Variants in CTNNA2 observed in about 807,000 individuals in gnomAD.
The protein encoded by CTNNA2 is catenin alpha-2.
A neutral mutation model predicts 101.0 loss-of-function variants in CTNNA2; 42 were observed. The ratio of observed to expected loss-of-function variants is 0.42; its 90% CI spans 0.32 to 0.54. The LOEUF is 0.54. Among genes scored for constraint, CTNNA2 ranks in the 20% least tolerant of loss-of-function variants. CTNNA2 has a pLI of 0.14. For missense variants in CTNNA2, 871 were observed against 1,223.1 expected (o/e 0.71, Z 4.29); for synonymous variants, 450 against 456.4 (o/e 0.99, Z 0.18).
In CTNNA2 at chr2:80,619,247, T is replaced by C; in HGVS notation, c.2574+19T>C. 2 of 1,508,984 alleles carry C rather than the reference T, an allele frequency of 1.3e-6. No homozygotes were observed. The highest frequency in any genetic ancestry group is 1.8e-6 in the Non-Finnish European group (2 of 1,124,412). 93.5% of individuals were successfully genotyped at this position (1,508,984 alleles called of 1,614,324 possible). On this transcript the variant is annotated intron_variant, in intron 18 of 18. Coordinates refer to ENST00000402739, the MANE Select transcript of CTNNA2 (RefSeq NM_001282597.3). ...CTCCATGGTGAGTAAATTGACTTTC[T>C]AATCTAATGTCTTTCATTGTAATCA... is the stretch of plus-strand genomic sequence containing the variant.
intron 7 of CTNNA2, among the ~76,000 whole-genome samples, chr2:80,315,783 T>C (rs1049904256): frequency 3.9e-5 from 6 of 152,164 alleles, no homozygotes; most frequent in Admixed American, 3.9e-4. Context: ...ACAGCAGCAG[T>C]GGTGGCTTAA....
In CTNNA2 at chr2:80,341,085, G is replaced by A. The variant is rs185026089; in HGVS notation, c.1057-52126G>A. On this transcript the variant is annotated intron_variant, in intron 7 of 18. Coordinates refer to ENST00000402739, the MANE Select transcript of CTNNA2 (RefSeq NM_001282597.3). ...GGATCTTCTGTCTCTGTGGAGTTGG[G>A]GTGCACCTCCCCCAGAATGTGTATG... Among the ~76,000 whole-genome samples the A allele has an allele frequency of 5.3e-5, 8 of 152,174 alleles. No individual in the cohort carries two copies. The East Asian group carries it at 1.2e-3, about 22-fold the overall frequency.
At chr2:80,576,282 A>T (rs532650448) in intron 13 of CTNNA2, 2 of 152,054 alleles carry the variant, frequency 1.3e-5, no homozygotes, top group East Asian at 3.9e-4. Flanking sequence ...AACCCTCTGA[A>T]GTAGACAAAG....
intron 2 of CTNNA2, among the ~76,000 whole-genome samples, chr2:79,233,848 T>A (rs1315846710): frequency 6.6e-6 from 1 of 152,008 alleles, no homozygotes; most frequent in African/African-American, 2.4e-5. Flanking sequence ...AAAATCTATT[T>A]TATATGGTAT....
chr2:80,219,161 C>G (rs1304178885), intron 7 of CTNNA2, among the ~76,000 whole-genome samples: 1 of 152,192 alleles, frequency 6.6e-6, no homozygotes, highest in Admixed American at 6.5e-5. Flanking sequence ...TGACTTTTGT[C>G]ATATTGTAAT....
At chr2:80,632,424 G>A (rs1672397222) in intron 18 of CTNNA2, among the ~76,000 whole-genome samples, 1 of 152,112 alleles carries the variant, frequency 6.6e-6, no homozygotes, top group Admixed American at 6.6e-5. Context: ...TGTAAGAATG[G>A]TCTACCTTCA....
intron 7 of CTNNA2, among the ~76,000 whole-genome samples, chr2:80,326,346 A>G (rs1010521157): frequency 1.3e-5 from 2 of 152,158 alleles, no homozygotes; most frequent in African/African-American, 4.8e-5. Flanking sequence ...TTTACTAATG[A>G]GTTTAGCTTT....
At chr2:80,347,838 C>CTTTTTTTTT (rs778989197) in intron 7 of CTNNA2, among the ~76,000 whole-genome samples, 28 of 146,758 alleles carry the variant, frequency 1.9e-4, no homozygotes, top group African/African-American at 4.9e-4. Flanking sequence ...TTTTTCTTTT[C>CTTTTTTTTT]TTTTCTTTTT....
rs115015320 is a variant in CTNNA2, at chr2:80,140,522, T to C, written c.1056+230725T>C. On this transcript the variant is annotated intron_variant, in intron 7 of 18. Transcript: ENST00000402739. Reference sequence around the variant, plus strand: ...CTTCCCACCCATCCCTCATTTCTCATGTGAGAGGTGCTTGTACGTCCCACA... The same window carrying C: ...CTTCCCACCCATCCCTCATTTCTCACGTGAGAGGTGCTTGTACGTCCCACA... 3.4e-3 allele frequency among the ~76,000 whole-genome samples: 522 copies of C among 152,210 alleles called. 2 individuals are homozygous for C. Among genetic ancestry groups the C allele is most frequent in the African/African-American group, 0.011 (471 of 41,572 alleles).
At chr2:79,361,155 T>G (rs1403385519) in intron 3 of CTNNA2, among the ~76,000 whole-genome samples, 4 of 152,224 alleles carry the variant, frequency 2.6e-5, no homozygotes, top group Non-Finnish European at 4.4e-5. Context: ...TATATTGAGA[T>G]CTGCAGTAGA....
At chr2:79,397,117 T>G (rs190546088) in intron 4 of CTNNA2, among the ~76,000 whole-genome samples, 1 of 152,310 alleles carries the variant, frequency 6.6e-6, no homozygotes, top group Admixed American at 6.5e-5. Context: ...GTTCATATTT[T>G]GGGATACATG....
rs1193569456 is a variant in CTNNA2, at chr2:80,581,698, G to C, written c.1894-8G>C. The C allele has an allele frequency of 1.3e-6, 2 of 1,559,794 alleles. No individual in the cohort carries two copies. The highest frequency in any genetic ancestry group is 8.8e-7 in the Non-Finnish European group (1 of 1,131,130). On this transcript the variant is annotated splice_polypyrimidine_tract_variant and splice_region_variant and intron_variant, in intron 13 of 18. Transcript: ENST00000402739. ...TAAGTATGCTGACTTATATCTTTTT[G>C]TCTTTAGACCCCAGAAGAACTAGAG... is the stretch of plus-strand genomic sequence containing the variant.
intron 4 of CTNNA2, among the ~76,000 whole-genome samples, chr2:79,861,113 G>A (rs931477206): frequency 1.3e-5 from 2 of 152,168 alleles, no homozygotes; most frequent in Non-Finnish European, 2.9e-5. Context: ...AAGAGTGACA[G>A]TTGCTTTCTA....
intron 7 of CTNNA2, among the ~76,000 whole-genome samples, chr2:80,378,356 CAAAAAATAAATA>C (rs1243454552): frequency 0.011 from 1,538 of 136,404 alleles, 27 homozygotes; most frequent in East Asian, 0.055. Context: ...AACTCTGTCT[CAAAAAATAAATA>C]AATAAATAAA....
At chr2:79,505,509 A>G (rs947503673) in intron 5 of CTNNA2, among the ~76,000 whole-genome samples, 9 of 152,130 alleles carry the variant, frequency 5.9e-5, no homozygotes, top group Admixed American at 2.0e-4. Flanking sequence ...TCCATTAAAA[A>G]CTTCTGTTTT....
chr2:80,033,243 T>C (rs1210744261), intron 7 of CTNNA2, among the ~76,000 whole-genome samples: 3 of 150,578 alleles, frequency 2.0e-5, no homozygotes, highest in East Asian at 2.0e-4. Flanking sequence ...CATAAGTCAA[T>C]TTCTATATGT....
intron 9 of CTNNA2, among the ~76,000 whole-genome samples, chr2:80,448,516 TCC>T: frequency 6.6e-6 from 1 of 152,144 alleles, no homozygotes; most frequent in Non-Finnish European, 1.5e-5. Flanking sequence ...CTTCAAAAAC[TCC>T]AAGCCTGGGT....
At chr2:79,217,600 T>G (rs1487218698) in intron 2 of CTNNA2, among the ~76,000 whole-genome samples, 1 of 152,128 alleles carries the variant, frequency 6.6e-6, no homozygotes, top group Non-Finnish European at 1.5e-5. Flanking sequence ...CCATTTTCAT[T>G]TCTTTTGTAG....
chr2:79,285,523 T>A (rs1378531829), intron 2 of CTNNA2, among the ~76,000 whole-genome samples: 12 of 140,002 alleles, frequency 8.6e-5, no homozygotes, highest in African/African-American at 3.0e-4. Flanking sequence ...CCAGTAGTCA[T>A]TCAGGAGCAG....
Sources: gnomAD v4.1 joint callset for allele counts (sites outside exome capture counted in the v4.1 genomes callset) on GRCh38, gnomAD v4.1.1 for gene constraint, MANE v1.5 for transcripts, NCBI Gene and HGNC (gene_info 2026-07-23, HGNC 2026-07-21) for gene names.